Variants in GRIA4 observed in about 807,000 individuals in gnomAD.
GRIA4 encodes glutamate ionotropic receptor AMPA type subunit 4.
GRIA4 carries 34 observed loss-of-function variants against 104.0 expected under a neutral mutation model. The observed-to-expected ratio is 0.33, with a 90% CI of 0.25 to 0.44. The LOEUF (loss-of-function observed/expected upper bound fraction) is 0.44, where lower values mean the gene tolerates loss of function less well. GRIA4 is among the 20% of genes least tolerant of loss of function. The pLI is 1.00. For synonymous variants in GRIA4, 386 were observed against 381.9 expected (o/e 1.01, Z -0.13); for missense variants, 750 against 1,096.5 (o/e 0.68, Z 4.46).
At chr11:105,805,478 G>GAA (rs57123559) in intron 4 of GRIA4, among the ~76,000 whole-genome samples, 123 of 92,472 alleles carry the variant, frequency 1.3e-3, no homozygotes, top group African/African-American at 4.7e-3. Flanking sequence ...AAGAAATCAG[G>GAA]AAAAAAAAAA....
At chr11:105,653,341 TG>T (rs1459836276) in intron 3 of GRIA4, among the ~76,000 whole-genome samples, 1 of 152,148 alleles carries the variant, frequency 6.6e-6, no homozygotes, top group African/African-American at 2.4e-5. Context: ...TTAGGATGAC[TG>T]GAACACAAGC....
intron 3 of GRIA4, among the ~76,000 whole-genome samples, chr11:105,726,842 TA>T (rs1055520050): frequency 7.3e-5 from 11 of 151,436 alleles, no homozygotes; most frequent in Non-Finnish European, 1.2e-4. Flanking sequence ...GTATCAACAT[TA>T]AAAAAAAGGA....
chr11:105,946,817 G>A (rs948681398), intron 14 of GRIA4, among the ~76,000 whole-genome samples: 3 of 151,988 alleles, frequency 2.0e-5, no homozygotes, highest in Non-Finnish European at 4.4e-5. Flanking sequence ...TCAAGAAGAA[G>A]AAAATTTTAG....
intron 14 of GRIA4, among the ~76,000 whole-genome samples, chr11:105,946,081 G>A (rs1948302160): frequency 6.6e-6 from 1 of 152,122 alleles, no homozygotes; most frequent in Admixed American, 6.6e-5. Flanking sequence ...AAAAATAGGA[G>A]GAAAGGGAGG....
chr11:105,913,973 T>C (rs111930068), intron 10 of GRIA4, among the ~76,000 whole-genome samples: 22 of 152,152 alleles, frequency 1.4e-4, no homozygotes, highest in African/African-American at 4.8e-4. Flanking sequence ...TTTGATATTT[T>C]TTCTTCTCTA....
intron 6 of GRIA4, among the ~76,000 whole-genome samples, chr11:105,890,742 G>A (rs1946425505): frequency 6.6e-6 from 1 of 152,186 alleles, no homozygotes; most frequent in Non-Finnish European, 1.5e-5. Context: ...TGAACAGCAT[G>A]AGCTATGCCT....
intron 4 of GRIA4, among the ~76,000 whole-genome samples, chr11:105,786,059 C>T (rs530548753): frequency 2.8e-4 from 42 of 149,018 alleles, no homozygotes; most frequent in Admixed American, 4.8e-4. Context: ...GCAGGGGAAT[C>T]GCTTGACCCC....
chr11:105,969,178 T>C (rs1255883449), intron 14 of GRIA4, among the ~76,000 whole-genome samples: 4 of 152,174 alleles, frequency 2.6e-5, no homozygotes, highest in African/African-American at 9.7e-5. Context: ...CTGACTTTGA[T>C]AGATGCTATA....
At chr11:105,756,518 A>G (rs1030691185) in intron 4 of GRIA4, among the ~76,000 whole-genome samples, 3 of 152,180 alleles carry the variant, frequency 2.0e-5, no homozygotes, top group Non-Finnish European at 2.9e-5. Context: ...TAGTTTACAT[A>G]TAAATTTAGA....
intron 4 of GRIA4, among the ~76,000 whole-genome samples, chr11:105,840,343 C>T (rs1027646559): frequency 6.6e-6 from 1 of 151,990 alleles, no homozygotes; most frequent in Non-Finnish European, 1.5e-5. Context: ...AATTTCTACC[C>T]ACAATAAAGC....
At chr11:105,922,124 G>A (rs891480339) in intron 11 of GRIA4, among the ~76,000 whole-genome samples, 2 of 152,088 alleles carry the variant, frequency 1.3e-5, no homozygotes, top group Non-Finnish European at 2.9e-5. Flanking sequence ...ATTTTAAAGT[G>A]CTCACAAATT....
chr11:105,801,434 T>C (rs1376787755), intron 4 of GRIA4, among the ~76,000 whole-genome samples: 3 of 151,876 alleles, frequency 2.0e-5, no homozygotes, highest in Non-Finnish European at 2.9e-5. Flanking sequence ...ACAGAAAAAA[T>C]AGAAAGTAAT....
At chr11:105,754,699 T>A (rs943669136) in intron 4 of GRIA4, among the ~76,000 whole-genome samples, 2 of 152,196 alleles carry the variant, frequency 1.3e-5, no homozygotes, top group African/African-American at 4.8e-5. Flanking sequence ...GTGACTAGAC[T>A]CATAGCAACA....
intron 3 of GRIA4, among the ~76,000 whole-genome samples, chr11:105,661,697 G>GAA (rs869093930): frequency 6.6e-6 from 1 of 150,944 alleles, no homozygotes; most frequent in Admixed American, 6.6e-5. Context: ...GAGAGAAAAA[G>GAA]AAGAGGAATA....
chr11:105,947,825 T>C (rs1487568924), intron 14 of GRIA4, among the ~76,000 whole-genome samples: 1 of 152,190 alleles, frequency 6.6e-6, no homozygotes, highest in Non-Finnish European at 1.5e-5. Flanking sequence ...TTTTTAAAAT[T>C]TGAATTGTTT....
intron 4 of GRIA4, among the ~76,000 whole-genome samples, chr11:105,840,045 A>G (rs982591766): frequency 1.3e-5 from 2 of 152,200 alleles, no homozygotes; most frequent in Non-Finnish European, 2.9e-5. Context: ...TGTTTATGTT[A>G]CTATTACCAA....
intron 4 of GRIA4, among the ~76,000 whole-genome samples, chr11:105,765,051 T>G (rs1416551288): frequency 6.6e-6 from 1 of 152,118 alleles, no homozygotes; most frequent in African/African-American, 2.4e-5. Flanking sequence ...TTGACCAAAG[T>G]ACATGACCAA....
intron 3 of GRIA4, among the ~76,000 whole-genome samples, chr11:105,702,879 G>C (rs11226829): frequency 6.6e-6 from 1 of 151,806 alleles, no homozygotes; most frequent in Non-Finnish European, 1.5e-5. Context: ...ATTTTTAGCA[G>C]AGATGCGGTT....
intron 3 of GRIA4, among the ~76,000 whole-genome samples, chr11:105,744,085 A>G (rs780554548): frequency 1.4e-4 from 21 of 151,704 alleles, no homozygotes; most frequent in Non-Finnish European, 2.2e-4. Context: ...CCTCCACTCC[A>G]CCCTCTGAGA....
Sources: gnomAD v4.1 joint callset for allele counts (sites outside exome capture counted in the v4.1 genomes callset) on GRCh38, gnomAD v4.1.1 for gene constraint, MANE v1.5 for transcripts, NCBI Gene and HGNC (gene_info 2026-07-23, HGNC 2026-07-21) for gene names.